CSMD3: variants seen among roughly 807,000 people sequenced by gnomAD.
The protein encoded by CSMD3 is CUB and Sushi multiple domains 3, also known as CUB and sushi domain-containing protein 3.
Under a neutral mutation model 435.2 loss-of-function variants are expected in CSMD3, and 177 were observed. The ratio of observed to expected loss-of-function variants is 0.41; its 90% CI spans 0.36 to 0.46. CSMD3 has a LOEUF of 0.46. Among genes scored for constraint, CSMD3 ranks in the 20% least tolerant of loss-of-function variants. The pLI is 0.34. For missense variants in CSMD3, 4,265 were observed against 4,504.6 expected, an observed-to-expected ratio of 0.95 and a Z score of 1.52; for synonymous variants, 1,656 against 1,520.5, an observed-to-expected ratio of 1.09 and a Z score of -2.07.
intron 31 of CSMD3, among the ~76,000 whole-genome samples, chr8:112,477,138 T>A (rs2130779546): frequency 6.6e-6 from 1 of 152,202 alleles, no homozygotes; most frequent in Admixed American, 6.5e-5. Context: ...TCAGAAAAAA[T>A]TACTTAAATT....
chr8:112,738,882 G>A (rs1295880253), intron 13 of CSMD3, among the ~76,000 whole-genome samples: 2 of 151,570 alleles, frequency 1.3e-5, no homozygotes, highest in African/African-American at 4.8e-5. Flanking sequence ...CAGAATTCTG[G>A]ACAGTTTTAA....
chr8:112,585,409 C>T (rs1586738060), intron 23 of CSMD3, among the ~76,000 whole-genome samples: 1 of 146,126 alleles, frequency 6.8e-6, no homozygotes, highest in South Asian at 2.1e-4. Flanking sequence ...TACATTGAGT[C>T]TTTTTTTTTT....
intron 4 of CSMD3, among the ~76,000 whole-genome samples, chr8:113,108,419 G>A (rs1379670457): frequency 3.9e-4 from 48 of 122,058 alleles, no homozygotes; most frequent in African/African-American, 1.6e-3. Flanking sequence ...AGGACGAGAC[G>A]CCATCTCAAA....
chr8:113,134,674 G>T (rs1175575183), intron 4 of CSMD3, among the ~76,000 whole-genome samples: 2 of 151,906 alleles, frequency 1.3e-5, no homozygotes, highest in Non-Finnish European at 2.9e-5. Flanking sequence ...ACCAGGTAGG[G>T]GTTTTCAACA....
chr8:113,334,297 A>ATTTTTTT (rs2094052880), intron 1 of CSMD3, among the ~76,000 whole-genome samples: 5 of 126,274 alleles, frequency 4.0e-5, no homozygotes, highest in Non-Finnish European at 4.8e-5. Context: ...TTTTTTTTTC[A>ATTTTTTT]TTTCCAGCCT....
At chr8:112,415,923 G>C (rs1227810297) in intron 32 of CSMD3, among the ~76,000 whole-genome samples, 8 of 152,174 alleles carry the variant, frequency 5.3e-5, no homozygotes, top group Admixed American at 5.2e-4. Context: ...ATTGTATCTA[G>C]GAGATAACTA....
intron 3 of CSMD3, among the ~76,000 whole-genome samples, chr8:113,197,917 A>G (rs2092676973): frequency 6.6e-6 from 1 of 151,340 alleles, no homozygotes; most frequent in Admixed American, 6.6e-5. Flanking sequence ...AATGCTTACC[A>G]TAAGAGGATT....
intron 1 of CSMD3, among the ~76,000 whole-genome samples, chr8:113,400,833 A>G (rs2094506686): frequency 1.3e-5 from 2 of 151,882 alleles, no homozygotes; most frequent in Non-Finnish European, 2.9e-5. Context: ...TACTTTGTAT[A>G]TCCTGAAAAT....
chr8:113,083,411 A>C (rs1192766601), intron 5 of CSMD3, among the ~76,000 whole-genome samples: 1 of 152,018 alleles, frequency 6.6e-6, no homozygotes, highest in East Asian at 1.9e-4. Flanking sequence ...TTAAGTTCTT[A>C]AGCTATGCTT....
chr8:112,735,064 T>C (rs891422776), intron 13 of CSMD3, among the ~76,000 whole-genome samples: 41 of 152,026 alleles, frequency 2.7e-4, no homozygotes, highest in African/African-American at 9.6e-4. Context: ...AAGATTAATT[T>C]TAAAAACAAT....
At chr8:113,193,072 C>T (rs1037820180) in intron 3 of CSMD3, among the ~76,000 whole-genome samples, 2 of 151,372 alleles carry the variant, frequency 1.3e-5, no homozygotes, top group Admixed American at 1.3e-4. Context: ...TTCTCCATCA[C>T]CTGCTTAGGG....
intron 3 of CSMD3, among the ~76,000 whole-genome samples, chr8:113,227,749 C>T (rs912539054): frequency 2.0e-5 from 3 of 151,620 alleles, no homozygotes; most frequent in African/African-American, 7.3e-5. Context: ...TCTGAGGCCA[C>T]CCCAGTCATG....
chr8:112,945,588 A>ATGTGTGTGTG (rs10574750), intron 9 of CSMD3, among the ~76,000 whole-genome samples: 9 of 140,586 alleles, frequency 6.4e-5, no homozygotes, highest in African/African-American at 1.6e-4. Context: ...ATACAGAAAT[A>ATGTGTGTGTG]TGTGTGTGTG....
intron 32 of CSMD3, among the ~76,000 whole-genome samples, chr8:112,469,054 A>T (rs780944003): frequency 2.6e-5 from 4 of 151,788 alleles, no homozygotes; most frequent in Non-Finnish European, 5.9e-5. Context: ...AGTAAAGCGA[A>T]GTAATATTAT....
Position 112,448,951 on chromosome 8 carries a change from G to T in CSMD3, c.5395+23640C>A, listed in dbSNP as rs568048878. Among the ~76,000 whole-genome samples, 7 of 152,248 alleles carry T rather than the reference G, an allele frequency of 4.6e-5. 1 individual carries two copies. In the South Asian group the frequency reaches 1.5e-3, roughly 32 times the overall value. ...TGATAGGAACTGAAAGGGATCTTGAGATCTGGAATCTATACATGGAATGGA... is the reference window on the plus strand; with the variant it reads ...TGATAGGAACTGAAAGGGATCTTGATATCTGGAATCTATACATGGAATGGA... On this transcript the variant is annotated intron_variant, in intron 32 of 70. Transcript: ENST00000297405.
At chr8:112,620,617 A>G (rs13271024) in intron 22 of CSMD3, among the ~76,000 whole-genome samples, 9,918 of 152,174 alleles carry the variant, frequency 0.065, 436 homozygotes, top group East Asian at 0.15. Context: ...TAGATTGCAG[A>G]TGGAAATTAA....
chr8:112,536,246 T>C (rs1271902679), intron 27 of CSMD3, among the ~76,000 whole-genome samples: 2 of 147,494 alleles, frequency 1.4e-5, no homozygotes, highest in Admixed American at 6.6e-5. Flanking sequence ...ACCTACAAAA[T>C]GGGAGAAAAT....
At chr8:112,645,415 C>A (rs16883911) in intron 19 of CSMD3, among the ~76,000 whole-genome samples, 190 bp from the exon 20 acceptor site, 2,303 of 152,118 alleles carry the variant, frequency 0.015, 55 homozygotes, top group African/African-American at 0.053. Context: ...TAGTGCAGTC[C>A]CCAAGAGAAC....
At chr8:112,699,617 A>G (rs1019952361) in intron 13 of CSMD3, among the ~76,000 whole-genome samples, 1 of 152,236 alleles carries the variant, frequency 6.6e-6, no homozygotes, top group African/African-American at 2.4e-5. Flanking sequence ...AAATCCTGGA[A>G]GACATCAATT....
Sources: allele counts gnomAD v4.1 joint callset (sites outside exome capture counted in the v4.1 genomes callset), GRCh38; gene constraint gnomAD v4.1.1; transcripts MANE v1.5; gene names NCBI Gene and HGNC (gene_info 2026-07-23, HGNC 2026-07-21).